ATP2B4: variants seen among roughly 807,000 people sequenced by gnomAD.
ATP2B4 encodes the protein ATPase plasma membrane Ca2+ transporting 4.
Under a neutral mutation model 110.3 loss-of-function variants are expected in ATP2B4, and 39 were observed. The ratio of observed to expected loss-of-function variants is 0.35; its 90% confidence interval spans 0.27 to 0.46. The LOEUF (loss-of-function observed/expected upper bound fraction) is 0.46, where lower values mean the gene tolerates loss of function less well. Ranked by LOEUF, ATP2B4 falls within the 20% of genes least tolerant of loss-of-function variation. ATP2B4 has a pLI of 1.00. For missense variants in ATP2B4, 1,135 were observed against 1,530.9 expected, an observed-to-expected ratio of 0.74 and a Z score of 4.32; for synonymous variants, 538 against 571.7, an observed-to-expected ratio of 0.94 and a Z score of 0.84.
At chr1:203,727,734 G>A (rs114535241) in intron 20 of ATP2B4, 163 bp downstream of exon 20, 8,259 of 802,218 alleles carry the variant, frequency 0.01, 66 homozygotes, top group Non-Finnish European at 0.014. Flanking sequence ...CACGCAAAAG[G>A]ATCTGTGTGG....
intron 1 of ATP2B4, among the ~76,000 whole-genome samples, chr1:203,662,348 A>T (rs1485126003): frequency 6.6e-6 from 1 of 152,032 alleles, no homozygotes; most frequent in Non-Finnish European, 1.5e-5. Flanking sequence ...TTTTAAGTAG[A>T]CCGTTCAGTG....
At chr1:203,714,318 C>A (rs760710705) in intron 15 of ATP2B4, 41 bp downstream of exon 15, 43 of 1,607,992 alleles carry the variant, frequency 2.7e-5, no homozygotes, top group Non-Finnish European at 3.6e-5. Flanking sequence ...AAGCTGCCTT[C>A]TCCATCAGGA....
At chr1:203,721,865 G>A (rs1054819387) in intron 17 of ATP2B4, among the ~76,000 whole-genome samples, 2 of 151,868 alleles carry the variant, frequency 1.3e-5, no homozygotes, top group African/African-American at 4.8e-5. Flanking sequence ...GTTTCATCAT[G>A]TTGGCCAGGC....
chr1:203,719,988 T>C (rs11809033), intron 15 of ATP2B4, among the ~76,000 whole-genome samples: 29,453 of 151,860 alleles, frequency 0.19, 3,410 homozygotes, highest in East Asian at 0.6. Flanking sequence ...GGGAGGATCA[T>C]TGGAGCCCCA....
chr1:203,687,855 G>C (rs146326428), intron 2 of ATP2B4, among the ~76,000 whole-genome samples: 1 of 152,068 alleles, frequency 6.6e-6, no homozygotes, highest in Non-Finnish European at 1.5e-5. Context: ...TACTCTGTGA[G>C]ACTGCTCTAG....
At chr1:203,712,612 G>T (rs544124402) in intron 13 of ATP2B4, among the ~76,000 whole-genome samples, 1 of 151,562 alleles carries the variant, frequency 6.6e-6, no homozygotes, top group Non-Finnish European at 1.5e-5. Context: ...AAAAAAGAGG[G>T]GGGGAGTTGC....
At chr1:203,713,724 CAA>C (rs1249048824) in intron 14 of ATP2B4, among the ~76,000 whole-genome samples, 1 of 152,148 alleles carries the variant, frequency 6.6e-6, no homozygotes, top group African/African-American at 2.4e-5. Flanking sequence ...CTCGGCCTCC[CAA>C]AGTGTTGGGA....
chr1:203,653,322 G>A (rs551171652), intron 1 of ATP2B4, among the ~76,000 whole-genome samples: 1 of 152,342 alleles, frequency 6.6e-6, no homozygotes, highest in African/African-American at 2.4e-5. Context: ...GAGGTTTAAC[G>A]AGAGAAGCTG....
chr1:203,664,543 G>T (rs1307864131), intron 1 of ATP2B4, among the ~76,000 whole-genome samples: 1 of 152,214 alleles, frequency 6.6e-6, no homozygotes, highest in Non-Finnish European at 1.5e-5. Context: ...GGAAATGAAG[G>T]CTCAGGGAGA....
At chr1:203,695,611 C>G (rs1571732229) in intron 2 of ATP2B4, among the ~76,000 whole-genome samples, 2 of 152,112 alleles carry the variant, frequency 1.3e-5, no homozygotes, top group South Asian at 2.1e-4. Context: ...CCCTGTGTCT[C>G]TCTCCTAAGC....
At position 203,683,385 on chromosome 1, in the gene ATP2B4, C is replaced by T. The variant is rs1260106724; in HGVS notation, c.180C>T (p.Thr60=). Reference sequence around the variant, plus strand: ...AGAATCTCTGCAGTAGACTGAAAACCTCCCCTGTGGAAGGTAAAGGCCATA... The same window carrying T: ...AGAATCTCTGCAGTAGACTGAAAACTTCCCCTGTGGAAGGTAAAGGCCATA... ...GVQNLCSRLK[T]SPVEGLSGNP... The change falls in exon 2 of 21, where the codon ACC becomes ACT. Residue 60 remains threonine, a synonymous_variant. Transcript: ENST00000357681. 1 of 1,611,026 alleles carries T rather than the reference C, an allele frequency of 6.2e-7. No homozygotes were observed. The highest frequency in any genetic ancestry group is 8.5e-7 in the Non-Finnish European group (1 of 1,178,082).
chr1:203,653,985 A>ATTT (rs1218633538), intron 1 of ATP2B4, among the ~76,000 whole-genome samples: 2 of 112,440 alleles, frequency 1.8e-5, no homozygotes, highest in African/African-American at 7.8e-5. Flanking sequence ...ATATATATAT[A>ATTT]TTTTTTTTTT....
intron 1 of ATP2B4, among the ~76,000 whole-genome samples, chr1:203,681,119 A>G (rs1432747477): frequency 6.6e-6 from 1 of 152,214 alleles, no homozygotes; most frequent in Non-Finnish European, 1.5e-5. Context: ...TGTTTCCCAG[A>G]TAAGAAGGGA....
intron 2 of ATP2B4, among the ~76,000 whole-genome samples, chr1:203,685,376 G>A (rs1665149667): frequency 1.3e-5 from 2 of 152,208 alleles, no homozygotes; most frequent in African/African-American, 4.8e-5. Flanking sequence ...TGGTTGAGTA[G>A]CATGAGATGG....
intron 3 of ATP2B4, among the ~76,000 whole-genome samples, chr1:203,698,577 A>G (rs1665602014): frequency 6.6e-6 from 1 of 151,812 alleles, no homozygotes; most frequent in Non-Finnish European, 1.5e-5. Context: ...TCTGTCTTCT[A>G]TTAAATCCTT....
At position 203,686,685 on chromosome 1, in the gene ATP2B4, C is replaced by CTTTTTTTT. The variant is rs779048789; in HGVS notation, c.193+3306_193+3313dup. ...CCTGGTGTTTTTCTTTCTTTTCTTT[C>CTTTTTTTT]TTTTTTTTTTTTTTTTTTTTTTTTT... On this transcript the variant is annotated intron_variant, in intron 2 of 20. Transcript: ENST00000357681. Among the ~76,000 whole-genome samples, 124 of 42,756 alleles carry CTTTTTTTT rather than the reference C, an allele frequency of 2.9e-3. 4 individuals are homozygous for CTTTTTTTT. Among genetic ancestry groups the CTTTTTTTT allele is most frequent in the Middle Eastern group, 0.019 (1 of 52 alleles). The allele number at this position is 42,756 out of a possible 152,430, so 28.0% of individuals were successfully genotyped here.
At position 203,707,893 on chromosome 1, in the gene ATP2B4, A is replaced by T. The variant is rs1412974046; in HGVS notation, c.1346A>T (p.His449Leu). 6.2e-7 allele frequency: 1 copy of T among 1,614,180 alleles called. No homozygotes were observed. The change falls in exon 10 of 21, where the codon CAC becomes CTC. Residue 449 changes from histidine (H) to leucine (L), a missense_variant. By Grantham distance (99) the His-to-Leu change is moderately conservative (BLOSUM62 -3). Around this residue, in one of 9 missense-constraint regions of ATP2B4, gnomAD observed 368 missense variants for 455.9 expected, o/e 0.81. Coordinates refer to ENST00000357681, the MANE Select transcript of ATP2B4 (RefSeq NM_001684.5). The stretch of plus-strand genomic sequence containing the variant: ...ATGAAAGACAATAACCTAGTACGGC[A>T]CTTGGATGCTTGTGAGACCATGGGC... ...KMMKDNNLVRHLDACETMGNA... is the reference protein window; with the variant it reads ...KMMKDNNLVRLLDACETMGNA...
intron 19 of ATP2B4, among the ~76,000 whole-genome samples, chr1:203,725,258 C>T (rs1321397155): frequency 4.2e-4 from 64 of 152,018 alleles, no homozygotes. Flanking sequence ...AGCAATTCTC[C>T]TGCCTCAGCC....
Position 203,686,667 on chromosome 1 carries a change from TTTTTCTTTC to T in ATP2B4, c.193+3283_193+3291del. 1.4e-5 allele frequency among the ~76,000 whole-genome samples: 2 copies of T among 145,062 alleles called. 1 individual carries two copies. The highest frequency in any genetic ancestry group is 4.2e-4 in the East Asian group (2 of 4,784). ...TAGATCACAAATATGTGTCCTGGTG[TTTTTCTTTC>T]TTTTCTTTCTTTTTTTTTTTTTTTT... On this transcript the variant is annotated intron_variant, in intron 2 of 20. Coordinates refer to ENST00000357681, the MANE Select transcript of ATP2B4 (RefSeq NM_001684.5).
Sources: allele counts gnomAD v4.1 joint callset (sites outside exome capture counted in the v4.1 genomes callset), GRCh38; gene constraint gnomAD v4.1.1; regional missense constraint gnomAD v4.1.1; transcripts MANE v1.5; gene names NCBI Gene and HGNC (gene_info 2026-07-23, HGNC 2026-07-21).